The following BMPR1B variants were observed in gnomAD, a reference collection of about 807,000 sequenced individuals.
The protein encoded by BMPR1B is bone morphogenetic protein receptor type-1B.
Under a neutral mutation model 59.1 loss-of-function variants are expected in BMPR1B, and 12 were observed. That is an observed-to-expected ratio of 0.20 (90% CI 0.13 to 0.33). The LOEUF (loss-of-function observed/expected upper bound fraction) is 0.33, where lower values mean the gene tolerates loss of function less well. BMPR1B is among the 10% of genes least tolerant of loss of function. BMPR1B has a pLI of 1.00. For missense variants in BMPR1B, 550 were observed against 610.9 expected (o/e 0.90, Z 1.05); for synonymous variants, 237 against 207.3 (o/e 1.14, Z -1.23).
At position 95,064,549 on chromosome 4, in the gene BMPR1B, C is replaced by T. The variant is rs116832171; in HGVS notation, c.-17-39859C>T. ...AAACTGGTCTTTGGTGCCGCAAAGA[C>T]TGAGGACTGCTGTTTTAGAGCACGT... is the stretch of plus-strand genomic sequence containing the variant. On this transcript the variant is annotated intron_variant, in intron 3 of 12. Coordinates refer to ENST00000515059, the MANE Select transcript of BMPR1B (RefSeq NM_001203.3). Among the ~76,000 whole-genome samples the T allele has an allele frequency of 3.0e-3, 455 of 152,110 alleles. 5 individuals carry two copies. Among genetic ancestry groups the T allele is most frequent in the African/African-American group, 0.01 (433 of 41,500 alleles).
chr4:95,112,436 T>G (rs1043022991), intron 4 of BMPR1B, among the ~76,000 whole-genome samples: 149 of 152,264 alleles, frequency 9.8e-4, no homozygotes, highest in African/African-American at 3.6e-3. Context: ...TGTTTCCATT[T>G]GTACTTGCTT....
At chr4:94,865,435 G>C (rs1726181832) in intron 1 of BMPR1B, among the ~76,000 whole-genome samples, 1 of 151,110 alleles carries the variant, frequency 6.6e-6, no homozygotes, top group African/African-American at 2.4e-5. Context: ...CTGTCACCCG[G>C]GCTGGAGTAC....
In BMPR1B at chr4:95,125,060, C is replaced by T. The variant is rs367777041; in HGVS notation, c.524C>T (p.Ser175Phe). The change falls in exon 8 of 13, where the codon TCC becomes TTC. Residue 175 changes from serine to phenylalanine, a missense_variant. Physicochemically the swap from Ser to Phe is radical, Grantham distance 155. Around this residue, in one of 6 missense-constraint regions of BMPR1B, gnomAD observed 318 missense variants for 284.6 expected, o/e 1.12. Coordinates refer to ENST00000515059, the MANE Select transcript of BMPR1B (RefSeq NM_001203.3). ...QDETYIPPGE[S>F]LRDLIEQSQS... ...GAAACTTACATTCCTCCTGGAGAATCCCTGAGAGACTTAATTGAGCAGTCT... is the reference window on the plus strand; with the variant it reads ...GAAACTTACATTCCTCCTGGAGAATTCCTGAGAGACTTAATTGAGCAGTCT... The T allele has an allele frequency of 5.0e-6, 8 of 1,613,786 alleles. No individual in the cohort carries two copies. The highest frequency in any genetic ancestry group is 5.9e-6 in the Non-Finnish European group (7 of 1,179,790).
intron 1 of BMPR1B, among the ~76,000 whole-genome samples, chr4:94,833,504 T>G (rs1230232035): frequency 6.6e-6 from 1 of 152,218 alleles, no homozygotes; most frequent in Non-Finnish European, 1.5e-5. Context: ...AAATGCTTGT[T>G]ATTAGATCTC....
chr4:94,759,021 T>A (rs1486002905), intron 1 of BMPR1B, among the ~76,000 whole-genome samples: 1 of 152,178 alleles, frequency 6.6e-6, no homozygotes, highest in African/African-American at 2.4e-5. Context: ...CCTCTTTCTG[T>A]CCAGGCTCCG....
chr4:94,919,207 G>T (rs1352130240), intron 2 of BMPR1B, among the ~76,000 whole-genome samples: 2 of 152,110 alleles, frequency 1.3e-5, no homozygotes, highest in African/African-American at 4.8e-5. Context: ...TCCATACGCA[G>T]ACGTGCACTG....
At chr4:95,105,039 C>A (rs1054354474) in intron 4 of BMPR1B, among the ~76,000 whole-genome samples, 1 of 152,006 alleles carries the variant, frequency 6.6e-6, no homozygotes, top group African/African-American at 2.4e-5. Flanking sequence ...AGAGCTCATG[C>A]GATTCCCCAA....
In BMPR1B at chr4:94,881,944, A is replaced by G. The variant is rs76396871; in HGVS notation, c.-113+6044A>G. ...GACTTAGGGGTAAGACAGTGTCTCA[A>G]CCCTGGCTATGCACCTGGCTAAATT... On this transcript the variant is annotated intron_variant, in intron 2 of 12. Transcript: ENST00000515059. 2.8e-4 allele frequency among the ~76,000 whole-genome samples: 42 copies of G among 152,256 alleles called. No homozygotes were observed. The East Asian group carries it at 7.3e-3, about 27-fold the overall frequency.
chr4:94,861,720 A>G (rs760872334), intron 1 of BMPR1B, among the ~76,000 whole-genome samples: 6 of 152,346 alleles, frequency 3.9e-5, no homozygotes, highest in Non-Finnish European at 5.9e-5. Flanking sequence ...AGATTACCCA[A>G]TAAACACATG....
At chr4:94,890,024 C>T (rs1727328654) in intron 2 of BMPR1B, among the ~76,000 whole-genome samples, 1 of 152,022 alleles carries the variant, frequency 6.6e-6, no homozygotes, top group South Asian at 2.1e-4. Flanking sequence ...AGTGTGTTGG[C>T]ATCTAGCAAG....
At chr4:94,963,383 A>C (rs948321927) in intron 2 of BMPR1B, among the ~76,000 whole-genome samples, 1 of 152,074 alleles carries the variant, frequency 6.6e-6, no homozygotes, top group African/African-American at 2.4e-5. Flanking sequence ...TTGGTTGCCT[A>C]TGCTTTTGAG....
At chr4:94,800,742 C>G (rs1289974445) in intron 1 of BMPR1B, among the ~76,000 whole-genome samples, 3 of 152,106 alleles carry the variant, frequency 2.0e-5, no homozygotes. Context: ...GAACCTGTAT[C>G]TTTTAAAACT....
chr4:94,894,461 A>AG (rs3834211), intron 2 of BMPR1B, among the ~76,000 whole-genome samples: 2 of 151,608 alleles, frequency 1.3e-5, no homozygotes, highest in African/African-American at 4.9e-5. Flanking sequence ...AGAGAGAGAG[A>AG]AAGCGAGAAA....
At chr4:95,117,630 A>G (rs989847338) in intron 6 of BMPR1B, among the ~76,000 whole-genome samples, 1 of 151,844 alleles carries the variant, frequency 6.6e-6, no homozygotes, top group Non-Finnish European at 1.5e-5. Flanking sequence ...AAAAAAAAAA[A>G]TTTTAATGAT....
chr4:95,057,856 C>T (rs1727047450), intron 3 of BMPR1B, among the ~76,000 whole-genome samples: 1 of 152,066 alleles, frequency 6.6e-6, no homozygotes. Context: ...TTAAAAAACA[C>T]TTTAATATTT....
At chr4:95,048,933 T>C (rs1726234817) in intron 3 of BMPR1B, among the ~76,000 whole-genome samples, 1 of 151,778 alleles carries the variant, frequency 6.6e-6, no homozygotes, top group African/African-American at 2.4e-5. Context: ...AATAATTAAA[T>C]TTAAAATGGA....
chr4:94,899,441 A>C, intron 2 of BMPR1B, among the ~76,000 whole-genome samples: 1 of 148,718 alleles, frequency 6.7e-6, no homozygotes, highest in East Asian at 2.0e-4. Context: ...ATACACACAC[A>C]CATACACACA....
chr4:95,134,328 A>AAC (rs1316875790), intron 10 of BMPR1B, among the ~76,000 whole-genome samples: 1 of 150,766 alleles, frequency 6.6e-6, no homozygotes, highest in Non-Finnish European at 1.5e-5. Flanking sequence ...TGCCACAGTA[A>AAC]ATGTGTGCAT....
At chr4:95,044,292 T>A (rs1041536965) in intron 3 of BMPR1B, among the ~76,000 whole-genome samples, 3 of 152,204 alleles carry the variant, frequency 2.0e-5, no homozygotes, top group Non-Finnish European at 2.9e-5. Flanking sequence ...TAAACTTTAT[T>A]AAGTCTGTCT....
Sources: gnomAD v4.1 joint callset for allele counts (sites outside exome capture counted in the v4.1 genomes callset) on GRCh38, gnomAD v4.1.1 for gene constraint, gnomAD v4.1.1 regional missense constraint, MANE v1.5 for transcripts, NCBI Gene and HGNC (gene_info 2026-07-23, HGNC 2026-07-21) for gene names.